The following MKLN1 variants were observed in gnomAD, a reference collection of about 807,000 sequenced individuals.
MKLN1 encodes muskelin 1, also known as muskelin.
A neutral mutation model predicts 99.0 loss-of-function variants in MKLN1; 18 were observed. The ratio of observed to expected loss-of-function variants is 0.18; its 90% CI spans 0.13 to 0.27. The LOEUF is 0.27. Ranked by LOEUF, MKLN1 falls within the 10% of genes least tolerant of loss-of-function variation. The pLI is 1.00. For synonymous variants in MKLN1, 288 were observed against 293.2 expected, an observed-to-expected ratio of 0.98 and a Z score of 0.18; for missense variants, 621 against 875.9, an observed-to-expected ratio of 0.71 and a Z score of 3.67.
At chr7:131,378,547 C>T (rs774241477) in intron 2 of MKLN1, among the ~76,000 whole-genome samples, 4 of 152,170 alleles carry the variant, frequency 2.6e-5, no homozygotes, top group East Asian at 1.9e-4. Flanking sequence ...GATATATCCA[C>T]GGCCGGACGT....
At position 131,358,195 on chromosome 7, in the gene MKLN1, CTT is replaced by C. The variant is rs916284239; in HGVS notation, c.99-17227_99-17226del. Among the ~76,000 whole-genome samples, 8 of 152,188 alleles carry C rather than the reference CTT, an allele frequency of 5.3e-5. No individual in the cohort carries two copies. In the East Asian group the frequency reaches 1.2e-3, roughly 22 times the overall value. On this transcript the variant is annotated intron_variant, in intron 1 of 17. Coordinates refer to ENST00000352689, the MANE Select transcript of MKLN1 (RefSeq NM_013255.5). ...TAGTTGTAGGTGTTTTGTAGGTACTCTTTATCAAATTGAAGAGGGCTGCCTGA... is the reference window on the plus strand; with the variant it reads ...TAGTTGTAGGTGTTTTGTAGGTACTCTATCAAATTGAAGAGGGCTGCCTGA...
At chr7:131,357,054 A>G (rs1345357201) in intron 1 of MKLN1, among the ~76,000 whole-genome samples, 3 of 152,328 alleles carry the variant, frequency 2.0e-5, no homozygotes, top group East Asian at 3.9e-4. Context: ...TTCTTACTGT[A>G]TTACATTCAT....
chr7:131,306,082 C>A (rs1451836915), intron 3 of MKLN1, among the ~76,000 whole-genome samples: 1 of 152,116 alleles, frequency 6.6e-6, no homozygotes, highest in East Asian at 1.9e-4. Context: ...GGCACATCCC[C>A]CCTTGCTCTC....
At chr7:131,131,796 AG>A (rs1795555652) in intron 1 of MKLN1, among the ~76,000 whole-genome samples, 1 of 152,218 alleles carries the variant, frequency 6.6e-6, no homozygotes, top group African/African-American at 2.4e-5. Flanking sequence ...AAGGAATCAA[AG>A]TTGAGAGAAT....
chr7:131,131,074 G>T (rs1289459509), intron 1 of MKLN1, among the ~76,000 whole-genome samples: 1 of 64,146 alleles, frequency 1.6e-5, no homozygotes. Context: ...AAAAAAAAAA[G>T]GTTGGGTGTG....
At chr7:131,379,027 C>CT (rs1793757307) in intron 2 of MKLN1, among the ~76,000 whole-genome samples, 1 of 151,872 alleles carries the variant, frequency 6.6e-6, no homozygotes, top group Non-Finnish European at 1.5e-5. Context: ...AGGAAGAAAA[C>CT]TCGTCTCTGA....
chr7:131,152,475 T>C (rs1795901121), intron 2 of MKLN1, among the ~76,000 whole-genome samples: 1 of 150,660 alleles, frequency 6.6e-6, no homozygotes, highest in South Asian at 2.1e-4. Flanking sequence ...TAACTTACTT[T>C]TGTTGTTGTT....
intron 2 of MKLN1, among the ~76,000 whole-genome samples, chr7:131,168,869 C>CTTT (rs61416767): frequency 3.6e-5 from 5 of 139,232 alleles, no homozygotes; most frequent in African/African-American, 1.3e-4. Flanking sequence ...TCGTTGTTTT[C>CTTT]TTTTTTTTTT....
chr7:131,495,785 GA>G lies in MKLN1; in HGVS notation c.*8059del, dbSNP rs1280289577. 6.6e-6 allele frequency: 1 copy of G among 152,182 alleles called. No homozygotes were observed. The allele number at this position is 152,182 out of a possible 1,614,324, so 9.4% of individuals were successfully genotyped here. On this transcript the variant is annotated 3_prime_UTR_variant, in exon 18 of 18. Transcript: ENST00000352689. Reference sequence around the variant, plus strand: ...AACTCTGGGTGTAAAATGTTATCCAGAAGCTATAGGGAGCTGCCTTGCTCAG... The same window carrying G: ...AACTCTGGGTGTAAAATGTTATCCAGAGCTATAGGGAGCTGCCTTGCTCAG...
intron 3 of MKLN1, among the ~76,000 whole-genome samples, chr7:131,298,862 A>C (rs1019144282): frequency 6.6e-6 from 1 of 152,182 alleles, no homozygotes; most frequent in Non-Finnish European, 1.5e-5. Flanking sequence ...AGGGTCAACT[A>C]TCAAGCGAAA....
chr7:131,144,337 C>G (rs917546195), intron 2 of MKLN1, among the ~76,000 whole-genome samples: 11 of 151,518 alleles, frequency 7.3e-5, no homozygotes, highest in Non-Finnish European at 1.2e-4. Flanking sequence ...AAAAAATTAG[C>G]CGGGCGTGGT....
chr7:131,121,638 CAAAAAAAAAAAAAAAAA>C (rs55908773), intron 1 of MKLN1, among the ~76,000 whole-genome samples: 2 of 72,820 alleles, frequency 2.7e-5, no homozygotes, highest in Non-Finnish European at 5.3e-5. Context: ...GACTCCGTCT[CAAAAAAAAAAAAAAAAA>C]AAAAAAAAAA....
intron 1 of MKLN1, among the ~76,000 whole-genome samples, chr7:131,373,776 T>A (rs576788701): frequency 2.1e-4 from 32 of 152,330 alleles, no homozygotes; most frequent in African/African-American, 7.5e-4. Flanking sequence ...GATGTCAACA[T>A]TGGTACACTA....
upstream of MKLN1, among the ~76,000 whole-genome samples, chr7:131,326,211 C>G (rs1161173278): frequency 1.3e-5 from 2 of 152,194 alleles, no homozygotes; most frequent in Non-Finnish European, 2.9e-5. Context: ...CTGGGGCTAA[C>G]ATTCTCTGGC....
intron 10 of MKLN1, among the ~76,000 whole-genome samples, chr7:131,440,022 G>A (rs1462977922): frequency 6.6e-6 from 1 of 152,002 alleles, no homozygotes; most frequent in Non-Finnish European, 1.5e-5. Context: ...TTTTGTTGAA[G>A]CCCACAACAG....
intron 6 of MKLN1, among the ~76,000 whole-genome samples, chr7:131,407,813 C>G (rs902897954): frequency 2.0e-5 from 3 of 151,688 alleles, no homozygotes; most frequent in Non-Finnish European, 4.4e-5. Flanking sequence ...CCAACTCTTT[C>G]AAGGTATCTT....
chr7:131,256,260 A>G (rs1478944705), intron 3 of MKLN1, among the ~76,000 whole-genome samples: 1 of 152,174 alleles, frequency 6.6e-6, no homozygotes, highest in African/African-American at 2.4e-5. Flanking sequence ...GGTGAAAGAA[A>G]GGCATTCCAA....
intron 4 of MKLN1, among the ~76,000 whole-genome samples, chr7:131,392,249 A>G (rs1039252177): frequency 9.2e-5 from 14 of 152,100 alleles, no homozygotes; most frequent in African/African-American, 3.1e-4. Context: ...TTTTTGGTAA[A>G]TGGAGAGATG....
intron 2 of MKLN1, among the ~76,000 whole-genome samples, chr7:131,162,000 T>TATATATATAG (rs1491177471): frequency 6.3e-5 from 8 of 127,032 alleles, no homozygotes; most frequent in South Asian, 2.4e-4. Context: ...TATATATATA[T>TATATATATAG]GTAACAGAGT....
Sources: allele counts gnomAD v4.1 joint callset (sites outside exome capture counted in the v4.1 genomes callset), GRCh38; gene constraint gnomAD v4.1.1; transcripts MANE v1.5; gene names NCBI Gene and HGNC (gene_info 2026-07-23, HGNC 2026-07-21).